Variants in LRRN3 observed in about 807,000 individuals in gnomAD.
LRRN3 encodes leucine rich repeat neuronal 3.
In LRRN3, 15 loss-of-function variants were observed where a neutral mutation model predicts 40.1. The observed-to-expected ratio is 0.37, with a 90% confidence interval of 0.25 to 0.58. The LOEUF is 0.58. Among genes scored for constraint, LRRN3 ranks in the 20% least tolerant of loss-of-function variants. The pLI is 0.72. For synonymous variants in LRRN3, 308 were observed against 297.2 expected (o/e 1.04, Z -0.37); for missense variants, 746 against 837.7 (o/e 0.89, Z 1.35).
chr7:111,112,082 G>A (rs1460906614), intron 2 of LRRN3, among the ~76,000 whole-genome samples: 1 of 150,880 alleles, frequency 6.6e-6, no homozygotes, highest in Non-Finnish European at 1.5e-5. Flanking sequence ...CGAGTAGCTG[G>A]GTTTACAGGC....
intron 2 of LRRN3, among the ~76,000 whole-genome samples, chr7:111,112,918 A>C (rs1387915110): frequency 6.6e-6 from 1 of 152,184 alleles, no homozygotes; most frequent in African/African-American, 2.4e-5. Context: ...AAATTCTTTC[A>C]AACTGAAGGA....
chr7:111,095,993 T>A (rs935474511), intron 1 of LRRN3, among the ~76,000 whole-genome samples: 1 of 151,966 alleles, frequency 6.6e-6, no homozygotes, highest in Non-Finnish European at 1.5e-5. Context: ...ATCCTATTCT[T>A]TTCTTTTGGG....
chr7:111,123,047 T>G lies in LRRN3; in HGVS notation c.275T>G (p.Val92Gly). 6.2e-7 allele frequency: 1 copy of G among 1,613,886 alleles called. No individual in the cohort carries two copies. The highest frequency in any genetic ancestry group is 2.2e-5 in the East Asian group (1 of 44,830). Reference protein sequence around the residue: ...AKIEYSTDFPVNLTGLDLSQN... With the variant: ...AKIEYSTDFPGNLTGLDLSQN... Reference sequence around the variant, plus strand: ...ATTGAATACTCCACAGACTTTCCAGTAAACCTTACTGGCCTGGATTTATCT... The same window carrying G: ...ATTGAATACTCCACAGACTTTCCAGGAAACCTTACTGGCCTGGATTTATCT... The change falls in exon 3 of 3, where the codon GTA becomes GGA. Residue 92 changes from valine (V) to glycine (G), a missense_variant. Physicochemically the swap from Val to Gly is moderately radical, Grantham distance 109. Coordinates refer to ENST00000308478, the MANE Select transcript of LRRN3 (RefSeq NM_001099658.2). The surrounding 1 kb of genome is among the most constrained non-coding windows in gnomAD (Gnocchi z 6.4).
intron 2 of LRRN3, among the ~76,000 whole-genome samples, chr7:111,117,833 A>G (rs1800077440): frequency 2.0e-5 from 3 of 152,078 alleles, no homozygotes; most frequent in Admixed American, 1.3e-4. Flanking sequence ...TTCTTCACCA[A>G]TTTTTCAACT....
intron 1 of LRRN3, among the ~76,000 whole-genome samples, chr7:111,099,262 T>C (rs1463984301): frequency 6.6e-6 from 1 of 151,726 alleles, no homozygotes; most frequent in Non-Finnish European, 1.5e-5. Flanking sequence ...TTGTATCTAG[T>C]TCCAAATTTT....
chr7:111,122,278 T>C (rs1800741160), intron 2 of LRRN3, 137 bp from the exon 3 acceptor site: 1 of 152,576 alleles, frequency 6.6e-6, no homozygotes, highest in Non-Finnish European at 1.5e-5. Context: ...CCAAACATAC[T>C]GAAGTACTTA....
intron 2 of LRRN3, among the ~76,000 whole-genome samples, chr7:111,111,907 T>A (rs1030461433): frequency 6.8e-6 from 1 of 147,954 alleles, no homozygotes; most frequent in African/African-American, 2.5e-5. Context: ...CAAAACTTTA[T>A]TTATATATTT....
Position 111,115,267 on chromosome 7 carries a change from G to GA in LRRN3, c.-358-7142dup, listed in dbSNP as rs371012291. Reference sequence around the variant, plus strand: ...CCAGTATATGGTGTGATGCTTATAGGAAAAAATATAAGCATCAAGAGACAA... The same window carrying GA: ...CCAGTATATGGTGTGATGCTTATAGGAAAAAAATATAAGCATCAAGAGACAA... On this transcript the variant is annotated intron_variant, in intron 2 of 2. Transcript: ENST00000308478. Among the ~76,000 whole-genome samples the GA allele has an allele frequency of 5.5e-3, 842 of 152,042 alleles. 10 individuals are homozygous for GA. The highest frequency in any genetic ancestry group is 0.019 in the African/African-American group (784 of 41,500).
At chr7:111,117,015 T>C (rs940447969) in intron 2 of LRRN3, among the ~76,000 whole-genome samples, 1 of 152,096 alleles carries the variant, frequency 6.6e-6, no homozygotes, top group Non-Finnish European at 1.5e-5. Context: ...AATTTAATGA[T>C]TAAAGTAACT....
chr7:111,105,733 A>G (rs1798473559), intron 2 of LRRN3, among the ~76,000 whole-genome samples: 1 of 151,890 alleles, frequency 6.6e-6, no homozygotes, highest in Admixed American at 6.6e-5. Context: ...TATTATGTGT[A>G]CTAACAATTT....
At chr7:111,101,293 T>G (rs1324713704) in intron 2 of LRRN3, among the ~76,000 whole-genome samples, 1 of 151,438 alleles carries the variant, frequency 6.6e-6, no homozygotes, top group Non-Finnish European at 1.5e-5. Context: ...ACATCCCTAG[T>G]CATTGAACAG....
At chr7:111,121,449 C>T (rs942810269) in intron 2 of LRRN3, among the ~76,000 whole-genome samples, 8 of 152,108 alleles carry the variant, frequency 5.3e-5, no homozygotes, top group Admixed American at 2.6e-4. Context: ...CAAAAGAAGA[C>T]ATTTATGCAG....
At chr7:111,105,202 T>C (rs138548127) in intron 2 of LRRN3, among the ~76,000 whole-genome samples, 19 of 152,014 alleles carry the variant, frequency 1.2e-4, no homozygotes, top group African/African-American at 4.3e-4. Flanking sequence ...TTGATTCTTC[T>C]TCATGAAATA....
intron 1 of LRRN3, among the ~76,000 whole-genome samples, chr7:111,092,720 G>A (rs1796996529): frequency 6.6e-6 from 1 of 152,126 alleles, no homozygotes; most frequent in Non-Finnish European, 1.5e-5. Flanking sequence ...ATCTTGTAAA[G>A]GGAAGCCAGC....
intron 2 of LRRN3, among the ~76,000 whole-genome samples, chr7:111,111,404 C>T (rs962023925): frequency 6.7e-6 from 1 of 149,580 alleles, no homozygotes; most frequent in South Asian, 2.1e-4. Flanking sequence ...GCTTTCCATC[C>T]CCCCCCAAAA....
At chr7:111,111,044 A>G (rs1262498218) in intron 2 of LRRN3, among the ~76,000 whole-genome samples, 1 of 152,158 alleles carries the variant, frequency 6.6e-6, no homozygotes, top group Non-Finnish European at 1.5e-5. Context: ...ATAATCCTAA[A>G]TTATCTGGAA....
At chr7:111,108,477 T>G (rs769102996) in intron 2 of LRRN3, among the ~76,000 whole-genome samples, 7 of 152,088 alleles carry the variant, frequency 4.6e-5, no homozygotes, top group Non-Finnish European at 7.4e-5. Flanking sequence ...AGAGATATAA[T>G]ATATAAAAAT....
At chr7:111,116,479 C>T (rs1301476208) in intron 2 of LRRN3, among the ~76,000 whole-genome samples, 1 of 152,054 alleles carries the variant, frequency 6.6e-6, no homozygotes, top group Non-Finnish European at 1.5e-5. Context: ...ATACATTTTA[C>T]TATATAAATT....
At chr7:111,117,028 C>T (rs1799959321) in intron 2 of LRRN3, among the ~76,000 whole-genome samples, 1 of 152,036 alleles carries the variant, frequency 6.6e-6, no homozygotes, top group African/African-American at 2.4e-5. Flanking sequence ...AAGTAACTCT[C>T]TAGTTTGTTT....
Sources: allele counts gnomAD v4.1 joint callset (sites outside exome capture counted in the v4.1 genomes callset), GRCh38; gene constraint gnomAD v4.1.1; non-coding constraint Gnocchi (gnomAD v3.1); transcripts MANE v1.5; gene names NCBI Gene and HGNC (gene_info 2026-07-23, HGNC 2026-07-21).